CASK: variants seen among roughly 807,000 people sequenced by gnomAD.
The protein encoded by CASK is peripheral plasma membrane protein CASK.
CASK carries 4 observed loss-of-function variants against 82.9 expected under a neutral mutation model. The ratio of observed to expected loss-of-function variants is 0.05; its 90% confidence interval spans 0.02 to 0.11. The LOEUF is 0.11. Among genes scored for constraint, CASK ranks in the 10% least tolerant of loss-of-function variants. CASK has a pLI of 1.00. For missense variants in CASK, 358 were observed against 720.9 expected (o/e 0.50, Z 5.76); for synonymous variants, 259 against 253.5 (o/e 1.02, Z -0.20).
At chrX:41,847,110 G>A (rs968972950) in intron 2 of CASK, among the ~76,000 whole-genome samples, 2 of 111,633 alleles carry the variant, frequency 1.8e-5, no homozygotes, top group Non-Finnish European at 3.8e-5. Context: ...ATCCTACTTG[G>A]AGTTTGCTGA....
At chrX:41,625,893 C>T (rs1288569605) in intron 10 of CASK, among the ~76,000 whole-genome samples, 2 of 107,507 alleles carry the variant, frequency 1.9e-5, no homozygotes, top group Non-Finnish European at 3.9e-5. Flanking sequence ...ATTCTCCTGC[C>T]TCAGCCTCCC....
At chrX:41,530,031 GCCT>G (rs2064777089) in intron 25 of CASK, among the ~76,000 whole-genome samples, 1 of 111,796 alleles carries the variant, frequency 8.9e-6, no homozygotes. Context: ...AGCCAGGTAA[GCCT>G]CCTGATGAAA....
At chrX:41,816,485 A>G (rs1371461302) in intron 2 of CASK, among the ~76,000 whole-genome samples, 3 of 111,432 alleles carry the variant, frequency 2.7e-5, no homozygotes, top group African/African-American at 9.8e-5. Flanking sequence ...AAATAAGCCC[A>G]TGAAAGGAAA....
At chrX:41,605,311 A>G (rs1272574608) in intron 12 of CASK, among the ~76,000 whole-genome samples, 1 of 111,501 alleles carries the variant, frequency 9.0e-6, no homozygotes, top group African/African-American at 3.3e-5. Context: ...TTAAAAAGGA[A>G]TTCATGCTGG....
chrX:41,906,724 G>A (rs1298306120), intron 1 of CASK, among the ~76,000 whole-genome samples: 4 of 112,521 alleles, frequency 3.6e-5, no homozygotes, highest in African/African-American at 9.7e-5. Context: ...ATCACCTACC[G>A]CTGACCCCTA....
chrX:41,576,955 C>G (rs938511998), intron 15 of CASK, among the ~76,000 whole-genome samples: 1 of 112,115 alleles, frequency 8.9e-6, no homozygotes, highest in African/African-American at 3.2e-5. Flanking sequence ...AAGCTGAGGG[C>G]TCTCCAAAAA....
intron 3 of CASK, among the ~76,000 whole-genome samples, chrX:41,783,175 A>T (rs2069515585): frequency 9.0e-6 from 1 of 111,681 alleles, no homozygotes; most frequent in Non-Finnish European, 1.9e-5. Flanking sequence ...AACAAACCCA[A>T]CTTGTTCTTA....
intron 17 of CASK, among the ~76,000 whole-genome samples, chrX:41,560,333 G>A (rs773983870): frequency 3.7e-5 from 4 of 109,564 alleles, no homozygotes; most frequent in African/African-American, 6.6e-5. Flanking sequence ...GCACCATCTC[G>A]GCTCACTGCA....
intron 8 of CASK, among the ~76,000 whole-genome samples, chrX:41,656,974 G>T (rs1256036692): frequency 9.0e-6 from 1 of 111,130 alleles, no homozygotes; most frequent in Non-Finnish European, 1.9e-5. Flanking sequence ...GGACCTGATG[G>T]GGGTGGGTTG....
At chrX:41,866,944 C>T (rs73193146) in intron 1 of CASK, among the ~76,000 whole-genome samples, 3,195 of 111,568 alleles carry the variant, frequency 0.029, 69 homozygotes, top group Admixed American at 0.12. Context: ...TCTCCTCATG[C>T]ACACACATAT....
chrX:41,786,864 T>C lies in CASK; in HGVS notation c.278+314A>G, dbSNP rs187449424. 2.5e-3 allele frequency: 617 copies of C among 247,150 alleles called. 3 individuals carry two copies. The highest frequency in any genetic ancestry group is 4.2e-3 in the Middle Eastern group (3 of 722). The allele number at this position is 247,150 out of a possible 1,213,427, so 20.4% of individuals were successfully genotyped here. A position where few individuals can be genotyped will look rare whatever the true frequency, so the allele number is the denominator to read the frequency against. On this transcript the variant is annotated intron_variant, in intron 3 of 26. Transcript: ENST00000378163. ...ATGGATGCCTCCACTTTCATCCTAC[T>C]CTTCTTCACTAAGACTTCTACTGGT... is the stretch of plus-strand genomic sequence containing the variant.
chrX:41,637,585 A>G (rs780713277), intron 8 of CASK, among the ~76,000 whole-genome samples: 1 of 103,445 alleles, frequency 9.7e-6, no homozygotes, highest in East Asian at 3.2e-4. Context: ...TCACCATTGT[A>G]CTGCAGCTTA....
chrX:41,814,182 T>C (rs1007616407), intron 2 of CASK, among the ~76,000 whole-genome samples: 1 of 112,119 alleles, frequency 8.9e-6, no homozygotes, highest in Admixed American at 9.4e-5. Context: ...GAAGTCAGTG[T>C]GGCGATTCCT....
At chrX:41,898,335 T>C (rs991096054) in intron 1 of CASK, among the ~76,000 whole-genome samples, 3 of 111,903 alleles carry the variant, frequency 2.7e-5, no homozygotes, top group Admixed American at 1.9e-4. Flanking sequence ...TTTTGAGTCT[T>C]CTCTTTTTCT....
intron 5 of CASK, among the ~76,000 whole-genome samples, chrX:41,730,377 A>T (rs1393939114): frequency 9.0e-6 from 1 of 111,677 alleles, no homozygotes; most frequent in Non-Finnish European, 1.9e-5. Context: ...CCACACACAC[A>T]CACACACAAA....
At chrX:41,763,288 A>C (rs2069039156) in intron 3 of CASK, among the ~76,000 whole-genome samples, 2 of 111,340 alleles carry the variant, frequency 1.8e-5, no homozygotes, top group South Asian at 7.6e-4. Context: ...TAAGGAATGA[A>C]GAGAACAGTA....
At chrX:41,919,788 T>C (rs2072753729) in intron 1 of CASK, among the ~76,000 whole-genome samples, 1 of 111,343 alleles carries the variant, frequency 9.0e-6, no homozygotes, top group South Asian at 3.8e-4. Context: ...GGGAAAAGAG[T>C]TTTAATTTTT....
intron 12 of CASK, among the ~76,000 whole-genome samples, chrX:41,598,144 C>T (rs2065847514): frequency 9.1e-6 from 1 of 109,471 alleles, no homozygotes; most frequent in Admixed American, 9.8e-5. Context: ...GACACACACA[C>T]ACACACACAC....
chrX:41,567,501 C>G (rs1602274378), intron 16 of CASK, among the ~76,000 whole-genome samples: 1 of 112,717 alleles, frequency 8.9e-6, no homozygotes, highest in African/African-American at 3.2e-5. Context: ...CTCATCATCA[C>G]TGGTCATCAG....
Sources: allele counts gnomAD v4.1 joint callset (sites outside exome capture counted in the v4.1 genomes callset), GRCh38; gene constraint gnomAD v4.1.1; transcripts MANE v1.5; gene names NCBI Gene and HGNC (gene_info 2026-07-23, HGNC 2026-07-21).